The following SERPING1 variants were observed in gnomAD, a reference collection of about 807,000 sequenced individuals.
SERPING1 encodes the protein plasma protease C1 inhibitor.
SERPING1 carries 5 observed loss-of-function variants against 34.1 expected under a neutral mutation model. That is an observed-to-expected ratio of 0.15 (90% confidence interval 0.08 to 0.31). The LOEUF (loss-of-function observed/expected upper bound fraction) is 0.31. Ranked by LOEUF, SERPING1 falls within the 10% of genes least tolerant of loss-of-function variation. The probability of loss-of-function intolerance (pLI) is 1.00; values close to 1 mark genes in which losing one functional copy is unlikely to be tolerated. For synonymous variants in SERPING1, 225 were observed against 242.4 expected, an observed-to-expected ratio of 0.93 and a Z score of 0.67; for missense variants, 505 against 609.5, an observed-to-expected ratio of 0.83 and a Z score of 1.81.
intron 6 of SERPING1, among the ~76,000 whole-genome samples, chr11:57,608,731 A>G (rs1003598666): frequency 1.3e-5 from 2 of 151,166 alleles, no homozygotes; most frequent in Admixed American, 6.6e-5. Context: ...CAGGCTGGTC[A>G]TGAACTCCTG....
At chr11:57,609,295 T>C (rs1945449775) in intron 6 of SERPING1, among the ~76,000 whole-genome samples, 2 of 151,684 alleles carry the variant, frequency 1.3e-5, no homozygotes, top group African/African-American at 4.8e-5. Flanking sequence ...AAAAAAAGAA[T>C]AGGCTGGGTA....
At position 57,606,520 on chromosome 11, in the gene SERPING1, T is replaced by C; in HGVS notation, c.1002T>C (p.His334=). Reference sequence around the variant, plus strand: ...ATAGCAAGAAGTACCCTGTGGCCCATTTCATTGACCAAACTTTGAAAGCCA... The same window carrying C: ...ATAGCAAGAAGTACCCTGTGGCCCACTTCATTGACCAAACTTTGAAAGCCA... ...MMNSKKYPVA[H]FIDQTLKAKV... Residue 334 remains histidine, a synonymous_variant, in exon 6 of 8, where the codon CAT becomes CAC. Transcript: ENST00000278407. The C allele has an allele frequency of 6.2e-7, 1 of 1,614,178 alleles. No individual in the cohort carries two copies. Among genetic ancestry groups the C allele is most frequent in the Non-Finnish European group, 8.5e-7 (1 of 1,180,032 alleles).
chr11:57,614,503 G>T lies in SERPING1; in HGVS notation c.1425G>T (p.Gln475His), dbSNP rs1945516624. The change falls in exon 8 of 8, where the codon CAG becomes CAT. Residue 475 changes from glutamine (Q) to histidine (H), a missense_variant. Coordinates refer to ENST00000278407, the MANE Select transcript of SERPING1 (RefSeq NM_000062.3). ...ARTLLVFEVQQPFLFVLWDQQ... is the reference protein window; with the variant it reads ...ARTLLVFEVQHPFLFVLWDQQ... The stretch of plus-strand genomic sequence containing the variant: ...CCCTGCTGGTCTTTGAAGTGCAGCA[G>T]CCCTTCCTCTTCGTGCTCTGGGACC... 1 of 1,614,066 alleles carries T rather than the reference G, an allele frequency of 6.2e-7. No homozygotes were observed. The highest frequency in any genetic ancestry group is 8.5e-7 in the Non-Finnish European group (1 of 1,179,992).
chr11:57,610,523 C>T (rs1217194429), intron 6 of SERPING1, among the ~76,000 whole-genome samples: 2 of 152,164 alleles, frequency 1.3e-5, no homozygotes, highest in Non-Finnish European at 2.9e-5. Flanking sequence ...ATTCAGGTTC[C>T]GACAATTGAT....
intron 3 of SERPING1, 26 bp from the exon 4 acceptor site, chr11:57,602,009 T>C (rs200957923): frequency 7.4e-6 from 12 of 1,613,868 alleles, no homozygotes; most frequent in Non-Finnish European, 1.0e-5. Flanking sequence ...CCTGCAAGTA[T>C]CTTTCATCTC....
intron 7 of SERPING1, among the ~76,000 whole-genome samples, chr11:57,613,147 T>C (rs1945499982): frequency 6.6e-6 from 1 of 152,222 alleles, no homozygotes; most frequent in Non-Finnish European, 1.5e-5. Context: ...GTATATGTCA[T>C]CTGTATAGGA....
chr11:57,611,814 C>T lies in SERPING1; in HGVS notation c.1127C>T (p.Pro376Leu). 6.2e-7 allele frequency: 1 copy of T among 1,614,192 alleles called. No individual in the cohort carries two copies. Among genetic ancestry groups the T allele is most frequent in the Non-Finnish European group, 8.5e-7 (1 of 1,180,032 alleles). ...RLEDMEQALS[P>L]SVFKAIMEKL... Reference sequence around the variant, plus strand: ...GAAGACATGGAACAGGCTCTCAGCCCTTCTGTTTTCAAGGCCATCATGGAG... The same window carrying T: ...GAAGACATGGAACAGGCTCTCAGCCTTTCTGTTTTCAAGGCCATCATGGAG... The change falls in exon 7 of 8, where the codon CCT (proline) becomes CTT (leucine). Residue 376 changes from proline to leucine, a missense_variant. Coordinates refer to ENST00000278407, the MANE Select transcript of SERPING1 (RefSeq NM_000062.3).
chr11:57,601,099 G>T (rs1278251410), intron 3 of SERPING1, among the ~76,000 whole-genome samples: 1 of 151,874 alleles, frequency 6.6e-6, no homozygotes, highest in African/African-American at 2.4e-5. Context: ...TACCTCAAAA[G>T]ATTAAGAAGC....
At chr11:57,604,044 A>G (rs972792571) in intron 4 of SERPING1, among the ~76,000 whole-genome samples, 4 of 151,730 alleles carry the variant, frequency 2.6e-5, no homozygotes, top group Admixed American at 2.6e-4. Flanking sequence ...CAGCAGGAGA[A>G]TAACTTCAAC....
rs763796718 is a variant in SERPING1, at chr11:57,614,343, C to T, written c.1265C>T (p.Ser422Phe). Residue 422 changes from serine to phenylalanine, a missense_variant, in exon 8 of 8, where the codon TCT becomes TTT. By Grantham distance (155) the Ser-to-Phe change is radical. Coordinates refer to ENST00000278407, the MANE Select transcript of SERPING1 (RefSeq NM_000062.3). ...IMEKLEFFDF[S>F]YDLNLCGLTE... ...TTTGCCCTAGAATTCTTCGATTTTT[C>T]TTATGACCTTAACCTGTGTGGGCTG... 4.3e-6 allele frequency: 7 copies of T among 1,613,900 alleles called. No individual in the cohort carries two copies. In the South Asian group the frequency reaches 5.5e-5, roughly 13 times the overall value.
Position 57,602,254 on chromosome 11 carries a change from A to G in SERPING1, c.685+85A>G, listed in dbSNP as rs1945356611. Reference sequence around the variant, plus strand: ...GGACCCAGCGCTGGGGAAAGAAAGGACAGAGGGAATGTTGGAGCTACAGTA... The same window carrying G: ...GGACCCAGCGCTGGGGAAAGAAAGGGCAGAGGGAATGTTGGAGCTACAGTA... On this transcript the variant is annotated intron_variant, in intron 4 of 7. Transcript: ENST00000278407. 11 of 1,523,416 alleles carry G rather than the reference A, an allele frequency of 7.2e-6. No homozygotes were observed. The South Asian group carries it at 1.2e-4, about 17-fold the overall frequency. The allele number at this position is 1,523,416 out of a possible 1,614,324, so 94.4% of individuals were successfully genotyped here. A position where few individuals can be genotyped will look rare whatever the true frequency, so the allele number is the denominator to read the frequency against.
chr11:57,602,569 A>G (rs962907842), intron 4 of SERPING1, among the ~76,000 whole-genome samples: 1 of 151,648 alleles, frequency 6.6e-6, no homozygotes, highest in African/African-American at 2.4e-5. Context: ...AGCCTGACCA[A>G]CATGGTGAAA....
chr11:57,601,946 T>C, intron 3 of SERPING1, 89 bp from the exon 4 acceptor site: 1 of 1,288,576 alleles, frequency 7.8e-7, no homozygotes, highest in Non-Finnish European at 1.1e-6. Context: ...GGGAATACCC[T>C]CCATTCCAGC....
Position 57,603,826 on chromosome 11 carries a change from G to A in SERPING1, c.685+1657G>A, listed in dbSNP as rs1458680601. Reference sequence around the variant, plus strand: ...TGCACTCCAGCCTGGGCAACAGAGCGAGACACCATCTCAAAAAAAAAAAAA... The same window carrying A: ...TGCACTCCAGCCTGGGCAACAGAGCAAGACACCATCTCAAAAAAAAAAAAA... On this transcript the variant is annotated intron_variant, in intron 4 of 7. Coordinates refer to ENST00000278407, the MANE Select transcript of SERPING1 (RefSeq NM_000062.3). Among the ~76,000 whole-genome samples the A allele has an allele frequency of 1.1e-4, 15 of 137,658 alleles. No individual in the cohort carries two copies. In the South Asian group the frequency reaches 1.6e-3, roughly 15 times the overall value. 90.3% of individuals were successfully genotyped at this position (137,658 alleles called of 152,430 possible).
At position 57,614,320 on chromosome 11, in the gene SERPING1, T is replaced by C. The variant is rs1410514714; in HGVS notation, c.1250-8T>C. Reference sequence around the variant, plus strand: ...TTCTGACTCTGTTTTTCTCTGGTTTTGCCCTAGAATTCTTCGATTTTTCTT... The same window carrying C: ...TTCTGACTCTGTTTTTCTCTGGTTTCGCCCTAGAATTCTTCGATTTTTCTT... On this transcript the variant is annotated splice_polypyrimidine_tract_variant and splice_region_variant and intron_variant, in intron 7 of 7. Coordinates refer to ENST00000278407, the MANE Select transcript of SERPING1 (RefSeq NM_000062.3). 1.2e-6 allele frequency: 2 copies of C among 1,613,138 alleles called. No individual in the cohort carries two copies. Among genetic ancestry groups the C allele is most frequent in the African/African-American group, 2.7e-5 (2 of 74,932 alleles).
At chr11:57,614,285 T>C in intron 7 of SERPING1, 43 bp from the exon 8 acceptor site, 1 of 1,609,194 alleles carries the variant, frequency 6.2e-7, no homozygotes, top group Non-Finnish European at 8.5e-7. Context: ...GCTGAGGGTA[T>C]CATGCTGGCT....
chr11:57,598,097 G>A (rs1173176151), intron 1 of SERPING1, 152 bp from the exon 2 acceptor site: 3 of 596,820 alleles, frequency 5.0e-6, no homozygotes, highest in Non-Finnish European at 6.0e-6. Flanking sequence ...ACAGAGGGAG[G>A]AGCCAGGGAG....
At chr11:57,605,860 G>A (rs1945403061) in intron 4 of SERPING1, 150 bp from the exon 5 acceptor site, 53 of 790,716 alleles carry the variant, frequency 6.7e-5, no homozygotes, top group South Asian at 6.7e-4. Flanking sequence ...TGCCACATCT[G>A]TAAGAGGAGT....
At chr11:57,611,692 T>C in intron 6 of SERPING1, 25 bp from the exon 7 acceptor site, 3 of 1,605,248 alleles carry the variant, frequency 1.9e-6, no homozygotes, top group Non-Finnish European at 2.6e-6. Context: ...AGGAAGACTG[T>C]TAAGATGCAT....
Sources: gnomAD v4.1 joint callset for allele counts (sites outside exome capture counted in the v4.1 genomes callset) on GRCh38, gnomAD v4.1.1 for gene constraint, MANE v1.5 for transcripts, NCBI Gene and HGNC (gene_info 2026-07-23, HGNC 2026-07-21) for gene names.